Variants in RCBTB2 observed in about 807,000 individuals in gnomAD.
The protein encoded by RCBTB2 is RCC1 and BTB domain-containing protein 2.
In RCBTB2, 55 loss-of-function variants were observed where a neutral mutation model predicts 65.4. The ratio of observed to expected loss-of-function variants is 0.84; its 90% confidence interval spans 0.68 to 1.05. RCBTB2 has a LOEUF of 1.05. RCBTB2 is among the 50% of genes least tolerant of loss of function. RCBTB2 has a pLI of 0.00. For synonymous variants in RCBTB2, 220 were observed against 255.2 expected (o/e 0.86, Z 1.31); for missense variants, 599 against 680.1 (o/e 0.88, Z 1.33).
At chr13:48,493,594 C>G (rs1949843270) in intron 14 of RCBTB2, among the ~76,000 whole-genome samples, 1 of 151,980 alleles carries the variant, frequency 6.6e-6, no homozygotes, top group South Asian at 2.1e-4. Flanking sequence ...TACTTCCCTC[C>G]CCACTGTGCT....
intron 12 of RCBTB2, 119 bp downstream of exon 12, chr13:48,501,623 A>G (rs1593634132): frequency 1.3e-6 from 1 of 771,030 alleles, no homozygotes; most frequent in East Asian, 2.6e-5. Context: ...TATGCTTGTA[A>G]GAGCAAAAAC....
chr13:48,520,533 C>A (rs1159823062), intron 4 of RCBTB2, among the ~76,000 whole-genome samples: 1 of 152,192 alleles, frequency 6.6e-6, no homozygotes. Flanking sequence ...TTTCTCACAT[C>A]TAGTCCACCT....
chr13:48,535,672 C>T (rs1007551122), upstream of RCBTB2: 1 of 456,478 alleles, frequency 2.2e-6, no homozygotes, highest in African/African-American at 2.0e-5. Flanking sequence ...GTTACTTTTC[C>T]ATTATCTCAC....
rs1479622748 is a variant in RCBTB2 at position 48,490,259 on chromosome 13, C to T, written c.1516-8G>A. ...GCAGAATTCTTCTAAATCCTAGGAACAACAACAAAGATGGTTTAATAAATT... is the reference window on the plus strand; with the variant it reads ...GCAGAATTCTTCTAAATCCTAGGAATAACAACAAAGATGGTTTAATAAATT... On this transcript the variant is annotated splice_region_variant and splice_polypyrimidine_tract_variant and intron_variant, in intron 14 of 14. Coordinates refer to ENST00000344532, the MANE Select transcript of RCBTB2 (RefSeq NM_001268.4). 6.2e-7 allele frequency: 1 copy of T among 1,608,908 alleles called. No homozygotes were observed. The highest frequency in any genetic ancestry group is 8.5e-7 in the Non-Finnish European group (1 of 1,176,590).
At chr13:48,512,253 C>T (rs1395752242) in intron 7 of RCBTB2, 79 bp from the exon 8 acceptor site, 1 of 1,283,998 alleles carries the variant, frequency 7.8e-7, no homozygotes, top group African/African-American at 1.5e-5. Context: ...GTACTTGTGG[C>T]ACCGAGTCTT....
chr13:48,490,091 A>C lies in RCBTB2; in HGVS notation c.*20T>G, dbSNP rs1443029857. On this transcript the variant is annotated 3_prime_UTR_variant, in exon 15 of 15. Coordinates refer to ENST00000344532, the MANE Select transcript of RCBTB2 (RefSeq NM_001268.4). ...TTGCAGGGGAAATGGAAAGGCTCAA[A>C]AACTTTCCTGCAGATGGGATCAATT... 1.2e-6 allele frequency: 2 copies of C among 1,613,718 alleles called. No individual in the cohort carries two copies. Among genetic ancestry groups the C allele is most frequent in the Non-Finnish European group, 1.7e-6 (2 of 1,179,790 alleles).
chr13:48,511,002 T>C (rs903963399), intron 9 of RCBTB2, among the ~76,000 whole-genome samples: 2 of 152,184 alleles, frequency 1.3e-5, no homozygotes, highest in African/African-American at 2.4e-5. Context: ...AGAGCTTTAA[T>C]ACTCACAGAA....
chr13:48,503,207 G>A (rs1401662760), intron 10 of RCBTB2, among the ~76,000 whole-genome samples: 1 of 152,158 alleles, frequency 6.6e-6, no homozygotes, highest in African/African-American at 2.4e-5. Flanking sequence ...GCACCATCCT[G>A]TTTTGAAATT....
chr13:48,498,819 T>A (rs1950093097), intron 13 of RCBTB2, among the ~76,000 whole-genome samples: 1 of 152,086 alleles, frequency 6.6e-6, no homozygotes. Context: ...TTGTTCTCTA[T>A]CTTCCTCACC....
At chr13:48,519,885 A>C (rs1951324025) in intron 4 of RCBTB2, among the ~76,000 whole-genome samples, 1 of 152,170 alleles carries the variant, frequency 6.6e-6, no homozygotes, top group Admixed American at 6.5e-5. Context: ...TTTGAAGTAC[A>C]TATTTAATAC....
In RCBTB2 at chr13:48,512,036, C is replaced by T. The variant is rs1225800819; in HGVS notation, c.655G>A (p.Ala219Thr). The change falls in exon 8 of 15, where the codon GCA (alanine) becomes ACA (threonine). Residue 219 changes from alanine (A) to threonine (T), a missense_variant. By Grantham distance (58) the Ala-to-Thr change is moderately conservative. Coordinates refer to ENST00000344532, the MANE Select transcript of RCBTB2 (RefSeq NM_001268.4). Reference sequence around the variant, plus strand: ...CTTACCTCCCCCGTGTCTACTACTGCCATGCAGCACATCTGCCCACATGCT... The same window carrying T: ...CTTACCTCCCCCGTGTCTACTACTGTCATGCAGCACATCTGCCCACATGCT... ...TIACGQMCCM[A>T]VVDTGEVYVW... 1 of 1,613,910 alleles carries T rather than the reference C, an allele frequency of 6.2e-7. No homozygotes were observed. Among genetic ancestry groups the T allele is most frequent in the Non-Finnish European group, 8.5e-7 (1 of 1,179,910 alleles).
At chr13:48,531,516 C>T (rs564197969) in intron 1 of RCBTB2, among the ~76,000 whole-genome samples, 1 of 152,262 alleles carries the variant, frequency 6.6e-6, no homozygotes, top group South Asian at 2.1e-4. Context: ...AAGTTCTGTG[C>T]CATGCAGATT....
chr13:48,503,515 C>T (rs751891029), intron 10 of RCBTB2, among the ~76,000 whole-genome samples: 4 of 151,762 alleles, frequency 2.6e-5, no homozygotes, highest in Admixed American at 1.3e-4. Context: ...TCTAAGTTCA[C>T]GATTGATGAG....
At chr13:48,510,532 C>G in intron 10 of RCBTB2, 97 bp downstream of exon 10, 1 of 1,326,576 alleles carries the variant, frequency 7.5e-7, no homozygotes, top group Admixed American at 2.1e-5. Context: ...TATTCTAACA[C>G]TAGCAGTACA....
intron 14 of RCBTB2, among the ~76,000 whole-genome samples, chr13:48,493,596 C>G (rs1373154409): frequency 1.3e-5 from 2 of 151,998 alleles, no homozygotes; most frequent in African/African-American, 2.4e-5. Flanking sequence ...CTTCCCTCCC[C>G]ACTGTGCTCC....
rs1258147054 is a variant in RCBTB2, at chr13:48,522,027, T to C, written c.-23-65A>G. 5 of 1,323,536 alleles carry C rather than the reference T, an allele frequency of 3.8e-6. No individual in the cohort carries two copies. In the East Asian group the frequency reaches 1.2e-4, roughly 31 times the overall value. The allele number at this position is 1,323,536 out of a possible 1,614,324, so 82.0% of individuals were successfully genotyped here. A position where few individuals can be genotyped will look rare whatever the true frequency, so the allele number is the denominator to read the frequency against. ...TTCGATGGAACCAGGCAGGTTAAAA[T>C]TACTTTACTTCTAATTAGCAGGGAA... On this transcript the variant is annotated intron_variant, in intron 3 of 14. Transcript: ENST00000344532.
At chr13:48,499,168 TCACA>T (rs897430573) in intron 13 of RCBTB2, among the ~76,000 whole-genome samples, 1 of 137,928 alleles carries the variant, frequency 7.3e-6, no homozygotes, top group Admixed American at 7.3e-5. Flanking sequence ...TCTCTCTCTC[TCACA>T]CACACACACA....
rs754800740 is a variant in RCBTB2 at position 48,510,721 on chromosome 13, C to T, written c.834G>A (p.Val278=). 1.2e-6 allele frequency: 2 copies of T among 1,614,152 alleles called. No individual in the cohort carries two copies. The highest frequency in any genetic ancestry group is 1.1e-5 in the South Asian group (1 of 91,080). Reference sequence around the variant, plus strand: ...CATAAGAATTGGCGCCCCAAGCATACACTTGGCCTTCATCTGTTAATACTA... The same window carrying T: ...CATAAGAATTGGCGCCCCAAGCATATACTTGGCCTTCATCTGTTAATACTA... ...HTLVLTDEGQ[V]YAWGANSYGQ... The change falls in exon 10 of 15, where the codon GTG becomes GTA. Residue 278 remains valine (V), a synonymous_variant. Coordinates refer to ENST00000344532, the MANE Select transcript of RCBTB2 (RefSeq NM_001268.4).
intron 14 of RCBTB2, among the ~76,000 whole-genome samples, chr13:48,493,225 T>TCTCACACACACACACA (rs772712475): frequency 9.2e-6 from 1 of 109,128 alleles, no homozygotes; most frequent in Admixed American, 8.8e-5. Context: ...GTACCCTCCT[T>TCTCACACACACACACA]CACACACACA....
Sources: gnomAD v4.1 joint callset for allele counts (sites outside exome capture counted in the v4.1 genomes callset) on GRCh38, gnomAD v4.1.1 for gene constraint, MANE v1.5 for transcripts, NCBI Gene and HGNC (gene_info 2026-07-23, HGNC 2026-07-21) for gene names.